The following STK3 variants were observed in gnomAD, a reference collection of about 807,000 sequenced individuals.
The protein encoded by STK3 is serine/threonine kinase 3.
STK3 carries 41 observed loss-of-function variants against 58.0 expected under a neutral mutation model. That is an observed-to-expected ratio of 0.71 (90% CI 0.55 to 0.92). The LOEUF (loss-of-function observed/expected upper bound fraction) is 0.92, where lower values mean the gene tolerates loss of function less well. Ranked by LOEUF, STK3 falls within the 40% of genes least tolerant of loss-of-function variation. The probability of loss-of-function intolerance (pLI) is 0.00; values close to 1 mark genes in which losing one functional copy is unlikely to be tolerated. For missense variants in STK3, 479 were observed against 602.7 expected, an observed-to-expected ratio of 0.79 and a Z score of 2.15; for synonymous variants, 170 against 191.0, an observed-to-expected ratio of 0.89 and a Z score of 0.91.
intron 7 of STK3, among the ~76,000 whole-genome samples, chr8:98,585,923 T>C (rs1468959784): frequency 2.0e-5 from 3 of 152,124 alleles, no homozygotes; most frequent in East Asian, 3.9e-4. Flanking sequence ...ATAAGAATGC[T>C]TGTGATTTTT....
chr8:98,905,473 C>CCATGG (rs1265290069), intron 1 of STK3: 13 of 1,241,344 alleles, frequency 1.0e-5, no homozygotes, highest in Non-Finnish European at 1.5e-5. Context: ...CTGGCTTCCA[C>CCATGG]GTTGATGTTC....
intron 7 of STK3, among the ~76,000 whole-genome samples, chr8:98,592,287 A>G (rs990350881): frequency 6.6e-6 from 1 of 152,110 alleles, no homozygotes; most frequent in African/African-American, 2.4e-5. Flanking sequence ...AGCAGATCTT[A>G]CTGTGTTCTA....
chr8:98,866,115 T>A (rs1837132452), intron 3 of STK3, among the ~76,000 whole-genome samples: 1 of 152,262 alleles, frequency 6.6e-6, no homozygotes, highest in Admixed American at 6.5e-5. Flanking sequence ...GGCATGTTGC[T>A]GATGGAGCAG....
intron 1 of STK3, among the ~76,000 whole-genome samples, chr8:98,803,621 AAAG>A (rs1325540202): frequency 2.0e-5 from 3 of 151,200 alleles, no homozygotes; most frequent in Admixed American, 6.6e-5. Flanking sequence ...AAAAAAAAGA[AAAG>A]AAATAGTAAA....
chr8:98,522,594 A>G (rs1022445357), intron 10 of STK3, among the ~76,000 whole-genome samples: 6 of 152,164 alleles, frequency 3.9e-5, no homozygotes, highest in African/African-American at 1.4e-4. Flanking sequence ...TCAAGTGTTC[A>G]GTTAAGTGGC....
At chr8:98,627,830 A>G (rs1202495951) in intron 6 of STK3, among the ~76,000 whole-genome samples, 1 of 152,252 alleles carries the variant, frequency 6.6e-6, no homozygotes, top group Admixed American at 6.5e-5. Flanking sequence ...TGTTAAATTT[A>G]GGTCTTTGGT....
chr8:98,942,155 G>T (rs994733681), intron 1 of STK3, among the ~76,000 whole-genome samples: 1 of 152,220 alleles, frequency 6.6e-6, no homozygotes, highest in African/African-American at 2.4e-5. Flanking sequence ...GGGACGAGGG[G>T]CTGGCTGGGT....
chr8:98,509,344 C>G (rs960384249), intron 10 of STK3, among the ~76,000 whole-genome samples: 1 of 151,878 alleles, frequency 6.6e-6, no homozygotes, highest in Non-Finnish European at 1.5e-5. Flanking sequence ...ATAGATGTGT[C>G]TATGTAAAAT....
At chr8:98,559,577 C>T (rs1030172404) in intron 8 of STK3, among the ~76,000 whole-genome samples, 3 of 152,132 alleles carry the variant, frequency 2.0e-5, no homozygotes, top group Non-Finnish European at 4.4e-5. Context: ...CTACCAACTG[C>T]GGAAAGCACT....
intron 6 of STK3, among the ~76,000 whole-genome samples, chr8:98,704,055 G>GA (rs1276182772): frequency 2.0e-5 from 3 of 152,036 alleles, no homozygotes; most frequent in Non-Finnish European, 4.4e-5. Flanking sequence ...ACAATAATCT[G>GA]AAAAAAAGCA....
At chr8:98,346,379 G>A in the STK3 span, among the ~76,000 whole-genome samples, 3 of 151,508 alleles carry the variant, frequency 2.0e-5, no homozygotes, top group East Asian at 3.8e-4. Context: ...GAGAGGAGGG[G>A]GAGTAGGAGA....
chr8:98,592,584 T>G (rs947561907), intron 7 of STK3, among the ~76,000 whole-genome samples: 2 of 151,920 alleles, frequency 1.3e-5, no homozygotes, highest in East Asian at 3.9e-4. Context: ...ATGTTTAGAG[T>G]AGGACAGGAG....
At chr8:98,731,362 C>A (rs1828187287) in intron 4 of STK3, among the ~76,000 whole-genome samples, 1 of 152,068 alleles carries the variant, frequency 6.6e-6, no homozygotes, top group South Asian at 2.1e-4. Flanking sequence ...CATGTACATG[C>A]AGATTACATG....
At chr8:98,606,683 T>C (rs946360678) in intron 6 of STK3, among the ~76,000 whole-genome samples, 1 of 152,214 alleles carries the variant, frequency 6.6e-6, no homozygotes, top group South Asian at 2.1e-4. Flanking sequence ...ACATCTAGGC[T>C]TAGCAGAGCC....
At chr8:98,559,714 T>TA (rs1242825427) in intron 8 of STK3, among the ~76,000 whole-genome samples, 1 of 152,152 alleles carries the variant, frequency 6.6e-6, no homozygotes, top group African/African-American at 2.4e-5. Flanking sequence ...GATCTCATCT[T>TA]ACACAGAAAT....
intron 6 of STK3, among the ~76,000 whole-genome samples, chr8:98,649,542 C>G (rs7825755): frequency 6.6e-6 from 1 of 152,098 alleles, no homozygotes; most frequent in Non-Finnish European, 1.5e-5. Context: ...ACAGATAATT[C>G]CAAATGCATG....
intron 1 of STK3, among the ~76,000 whole-genome samples, chr8:98,823,804 T>C (rs573243576): frequency 6.6e-6 from 1 of 152,332 alleles, no homozygotes; most frequent in African/African-American, 2.4e-5. Flanking sequence ...AAATTAAACT[T>C]AGAACTAGCA....
At chr8:98,595,967 G>A (rs1293044458) in intron 7 of STK3, 65 bp downstream of exon 7, 24 of 1,541,580 alleles carry the variant, frequency 1.6e-5, no homozygotes, top group Non-Finnish European at 1.7e-5. Flanking sequence ...CAGCAATTCT[G>A]GCCAATGTCA....
In STK3 at chr8:98,656,228, C is replaced by T. The variant is rs570926202; in HGVS notation, c.684+50239G>A. ...GAAATCATCATTCTCAGTAAACTAT[C>T]GCAAGGACAAAAAACCAAACACTGC... On this transcript the variant is annotated intron_variant, in intron 6 of 10. Coordinates refer to ENST00000419617, the MANE Select transcript of STK3 (RefSeq NM_006281.4). Among the ~76,000 whole-genome samples, 10 of 151,966 alleles carry T rather than the reference C, an allele frequency of 6.6e-5. No individual in the cohort carries two copies. The East Asian group carries it at 1.5e-3, about 24-fold the overall frequency.
Sources: allele counts gnomAD v4.1 joint callset (sites outside exome capture counted in the v4.1 genomes callset), GRCh38; gene constraint gnomAD v4.1.1; transcripts MANE v1.5; gene names NCBI Gene and HGNC (gene_info 2026-07-23, HGNC 2026-07-21).